Variants in ZNF782 observed in about 807,000 individuals in gnomAD.
ZNF782 encodes zinc finger protein 782.
In ZNF782, 12 loss-of-function variants were observed where a neutral mutation model predicts 13.0. The ratio of observed to expected loss-of-function variants is 0.92; its 90% CI spans 0.59 to 1.50. ZNF782 has a LOEUF of 1.50. Ranked by LOEUF, ZNF782 falls within the 40% of genes most tolerant of loss-of-function variation. The probability of loss-of-function intolerance (pLI) is 0.00; values close to 1 mark genes in which losing one functional copy is unlikely to be tolerated. For missense variants in ZNF782, 770 were observed against 822.9 expected (o/e 0.94, Z 0.79); for synonymous variants, 284 against 283.0 (o/e 1.00, Z -0.04).
the ZNF782 span, among the ~76,000 whole-genome samples, chr9:96,912,078 G>A: frequency 6.7e-6 from 1 of 150,084 alleles, no homozygotes; most frequent in East Asian, 2.0e-4. Flanking sequence ...GCTCATGCCT[G>A]TAATCCCAGC....
intron 1 of ZNF782, among the ~76,000 whole-genome samples, chr9:96,863,988 C>T (rs1851732112): frequency 6.6e-6 from 1 of 151,838 alleles, no homozygotes; most frequent in Non-Finnish European, 1.5e-5. Context: ...GCAAAAACCA[C>T]CTGTACCTCA....
At chr9:96,845,040 A>C (rs753149737) in intron 3 of ZNF782, 24 bp from the exon 4 acceptor site, 1 of 1,613,478 alleles carries the variant, frequency 6.2e-7, no homozygotes. Flanking sequence ...TTTCTAATTA[A>C]TCTGAGTGTT....
the ZNF782 span, among the ~76,000 whole-genome samples, chr9:96,882,914 A>T: frequency 0.014 from 2,136 of 152,294 alleles, 31 homozygotes; most frequent in Non-Finnish European, 0.019. Flanking sequence ...TAAAACGAGA[A>T]TTCTCTCTTT....
chr9:96,819,505 A>G lies in ZNF782; in HGVS notation c.518T>C (p.Ile173Thr). Residue 173 changes from isoleucine (I) to threonine (T), a missense_variant, in exon 6 of 6, where the codon ATC becomes ACC. Transcript: ENST00000481138. ...GTTAGTTCTGCCATCCTTAATACTG[A>G]TGAGCCATTTGTCACAAACATTACG... ...HERNVCDKWL[I>T]SIKDGRTNTQ... 1.9e-6 allele frequency: 3 copies of G among 1,613,232 alleles called. No homozygotes were observed. The highest frequency in any genetic ancestry group is 2.5e-6 in the Non-Finnish European group (3 of 1,179,768).
At chr9:96,897,046 A>C in the ZNF782 span, among the ~76,000 whole-genome samples, 1 of 152,174 alleles carries the variant, frequency 6.6e-6, no homozygotes, top group Non-Finnish European at 1.5e-5. Context: ...ACCAAGCCAT[A>C]AAGTTAGGCG....
At chr9:96,889,603 G>A in the ZNF782 span, 3 of 152,196 alleles carry the variant, frequency 2.0e-5, no homozygotes, top group African/African-American at 7.2e-5. Context: ...GTTTCTCCAC[G>A]TTGGTCAGGC....
At chr9:96,927,232 T>G in the ZNF782 span, among the ~76,000 whole-genome samples, 1 of 152,210 alleles carries the variant, frequency 6.6e-6, no homozygotes, top group Non-Finnish European at 1.5e-5. Context: ...TGCGAGGGGA[T>G]GCATGAGAAT....
Position 96,818,605 on chromosome 9 carries a change from G to A in ZNF782, c.1418C>T (p.Thr473Ile), listed in dbSNP as rs772500430. The A allele has an allele frequency of 6.2e-7, 1 of 1,614,156 alleles. No homozygotes were observed. Among genetic ancestry groups the A allele is most frequent in the South Asian group, 1.1e-5 (1 of 91,078 alleles). The change falls in exon 6 of 6, where the codon ACA (threonine) becomes ATA (isoleucine). Residue 473 changes from threonine to isoleucine, a missense_variant. By Grantham distance (89) the Thr-to-Ile change is moderately conservative (BLOSUM62 -1). Coordinates refer to ENST00000481138, the MANE Select transcript of ZNF782 (RefSeq NM_001001662.3). ...SILIVHQRTH[T>I]GEKPFECNEC... ...ATTACATTCAAAAGGTTTCTCCCCT[G>A]TGTGAGTTCTCTGATGCACTATGAG...
chr9:96,912,198 G>GA, the ZNF782 span, among the ~76,000 whole-genome samples: 2,487 of 55,864 alleles, frequency 0.045, 48 homozygotes, highest in African/African-American at 0.1. Context: ...ACTCCGTCTC[G>GA]AAAAAAAAAA....
intron 1 of ZNF782, among the ~76,000 whole-genome samples, chr9:96,866,649 G>A (rs2118873647): frequency 6.6e-6 from 1 of 152,322 alleles, no homozygotes; most frequent in South Asian, 2.1e-4. Flanking sequence ...CCCCAGAATG[G>A]TAGATCCACT....
intron 1 of ZNF782, among the ~76,000 whole-genome samples, chr9:96,873,908 T>C (rs1177897212): frequency 6.6e-6 from 1 of 152,342 alleles, no homozygotes; most frequent in Non-Finnish European, 1.5e-5. Context: ...GTGGTAACTA[T>C]GGCAGTTTTC....
At chr9:96,843,347 A>G (rs938386550) in intron 4 of ZNF782, among the ~76,000 whole-genome samples, 2 of 152,212 alleles carry the variant, frequency 1.3e-5, no homozygotes, top group African/African-American at 4.8e-5. Flanking sequence ...CTACGTAGCT[A>G]TAAAAGGAAT....
chr9:96,849,517 A>C (rs1021911259), intron 3 of ZNF782, among the ~76,000 whole-genome samples: 7 of 152,274 alleles, frequency 4.6e-5, no homozygotes, highest in African/African-American at 9.6e-5. Flanking sequence ...ATATCAACTC[A>C]AGATGGATCA....
chr9:96,931,635 T>G, the ZNF782 span: 2 of 1,472,894 alleles, frequency 1.4e-6, no homozygotes, highest in Non-Finnish European at 1.9e-6. Flanking sequence ...TCACATGCCC[T>G]CAGCTGTTGG....
chr9:96,868,930 C>T (rs1851792822), intron 1 of ZNF782, among the ~76,000 whole-genome samples: 1 of 152,186 alleles, frequency 6.6e-6, no homozygotes, highest in Non-Finnish European at 1.5e-5. Flanking sequence ...TCTCCCACTT[C>T]ATTAATAATG....
intron 4 of ZNF782, among the ~76,000 whole-genome samples, chr9:96,843,942 C>T (rs10115814): frequency 0.06 from 9,106 of 151,940 alleles, 594 homozygotes; most frequent in East Asian, 0.24. Flanking sequence ...AAAAACTAAA[C>T]GAAACAAAAA....
At chr9:96,922,443 G>C in the ZNF782 span, among the ~76,000 whole-genome samples, 3 of 152,166 alleles carry the variant, frequency 2.0e-5, no homozygotes, top group African/African-American at 7.2e-5. Flanking sequence ...CTTAGTTGTA[G>C]TCTATTTTAA....
the ZNF782 span, among the ~76,000 whole-genome samples, chr9:96,917,896 G>GTC: frequency 1.2e-3 from 178 of 146,198 alleles, no homozygotes; most frequent in African/African-American, 4.3e-3. Flanking sequence ...GCGTGTGTGT[G>GTC]TGTGTGTGTG....
intron 5 of ZNF782, among the ~76,000 whole-genome samples, chr9:96,820,863 T>C (rs1850395491): frequency 6.6e-6 from 1 of 152,202 alleles, no homozygotes; most frequent in African/African-American, 2.4e-5. Context: ...AGTGAATCTT[T>C]TTAGATCATC....
Sources: gnomAD v4.1 joint callset for allele counts (sites outside exome capture counted in the v4.1 genomes callset) on GRCh38, gnomAD v4.1.1 for gene constraint, MANE v1.5 for transcripts, NCBI Gene and HGNC (gene_info 2026-07-23, HGNC 2026-07-21) for gene names.